The following SFPQ variants were observed in gnomAD, a reference collection of about 807,000 sequenced individuals.
SFPQ encodes splicing factor, proline- and glutamine-rich.
SFPQ carries 11 observed loss-of-function variants against 72.9 expected under a neutral mutation model. The ratio of observed to expected loss-of-function variants is 0.15; its 90% CI spans 0.09 to 0.25. The LOEUF (loss-of-function observed/expected upper bound fraction) is 0.25. Among genes scored for constraint, SFPQ ranks in the 10% least tolerant of loss-of-function variants. The probability of loss-of-function intolerance (pLI) is 1.00; values close to 1 mark genes in which losing one functional copy is unlikely to be tolerated. For missense variants in SFPQ, 847 were observed against 993.3 expected, an observed-to-expected ratio of 0.85 and a Z score of 1.98; for synonymous variants, 506 against 367.3, an observed-to-expected ratio of 1.38 and a Z score of -4.32.
In SFPQ at chr1:35,184,226, A is replaced by G; in HGVS notation, c.*230T>C. 7.7e-7 allele frequency: 1 copy of G among 1,293,212 alleles called. No individual in the cohort carries two copies. The highest frequency in any genetic ancestry group is 9.7e-7 in the Non-Finnish European group (1 of 1,025,844). 80.1% of individuals were successfully genotyped at this position (1,293,212 alleles called of 1,614,324 possible). ...CACTGCCATAAACTTGAGGGACATT[A>G]TACAGTAAAAAAGAAAAAATAAAGA... On this transcript the variant is annotated 3_prime_UTR_variant, in exon 10 of 10. Transcript: ENST00000357214.
intron 6 of SFPQ, 98 bp from the exon 7 acceptor site, chr1:35,188,188 A>C (rs1639818053): frequency 5.8e-6 from 5 of 864,044 alleles, no homozygotes; most frequent in Non-Finnish European, 9.7e-6. Flanking sequence ...CTAGGTTAGC[A>C]CTAAAAAACA....
downstream of SFPQ, chr1:35,181,517 C>T (rs889392647): frequency 8.5e-6 from 9 of 1,063,004 alleles, no homozygotes; most frequent in Admixed American, 5.4e-5. Context: ...ATGTTCTAAG[C>T]AAAGAGGATT....
chr1:35,187,157 G>C, intron 8 of SFPQ, 35 bp from the exon 9 acceptor site: 1 of 1,613,934 alleles, frequency 6.2e-7, no homozygotes, highest in South Asian at 1.1e-5. Context: ...AACTCCACCA[G>C]GATACTACTC....
chr1:35,178,201 T>C, downstream of SFPQ: 1 of 1,084,104 alleles, frequency 9.2e-7, no homozygotes, highest in Non-Finnish European at 1.1e-6. Context: ...GGGGGGGAAA[T>C]CTAAAATTAT....
chr1:35,182,211 T>C (rs948804739), downstream of SFPQ: 1 of 985,412 alleles, frequency 1.0e-6, no homozygotes, highest in Non-Finnish European at 1.2e-6. Flanking sequence ...GGGTGTCCCA[T>C]GGAACACCCC....
chr1:35,189,959 A>C (rs555529693), intron 4 of SFPQ, among the ~76,000 whole-genome samples: 2 of 151,898 alleles, frequency 1.3e-5, no homozygotes, highest in Non-Finnish European at 2.9e-5. Flanking sequence ...CTCAAAAACA[A>C]AACAAAAAAA....
rs534113855 is a variant in SFPQ at position 35,183,374 on chromosome 1, C to A, written c.*1082G>T. 3 of 278,232 alleles carry A rather than the reference C, an allele frequency of 1.1e-5. No individual in the cohort carries two copies. Among genetic ancestry groups the A allele is most frequent in the Non-Finnish European group, 1.1e-5 (2 of 177,956 alleles). The allele number at this position is 278,232 out of a possible 1,614,324, so 17.2% of individuals were successfully genotyped here. Reference sequence around the variant, plus strand: ...CTGGGATTACAGGCGCCTGCCACCACGCCCAGCTAATTTTTTGTATTTTTA... The same window carrying A: ...CTGGGATTACAGGCGCCTGCCACCAAGCCCAGCTAATTTTTTGTATTTTTA... On this transcript the variant is annotated 3_prime_UTR_variant, in exon 10 of 10. Transcript: ENST00000357214.
downstream of SFPQ, chr1:35,182,164 AG>A: frequency 1.0e-6 from 1 of 985,380 alleles, no homozygotes; most frequent in Non-Finnish European, 1.2e-6. Context: ...TTTCCCGACC[AG>A]CCCCCACCCA....
In SFPQ at chr1:35,188,010, C is replaced by A; in HGVS notation, c.1778G>T (p.Arg593Ile). 6.2e-7 allele frequency: 1 copy of A among 1,614,176 alleles called. No individual in the cohort carries two copies. Among genetic ancestry groups the A allele is most frequent in the Non-Finnish European group, 8.5e-7 (1 of 1,179,996 alleles). ...REMEEQMRRQREESYSRMGYM... is the reference protein window; with the variant it reads ...REMEEQMRRQIEESYSRMGYM... Reference sequence around the variant, plus strand: ...GCCCATTCGGCTGTAACTTTCCTCTCTTTGGCGCCTCATTTGTTCTTCCAT... The same window carrying A: ...GCCCATTCGGCTGTAACTTTCCTCTATTTGGCGCCTCATTTGTTCTTCCAT... The change falls in exon 7 of 10, where the codon AGA becomes ATA. Residue 593 changes from arginine (R) to isoleucine (I), a missense_variant. Coordinates refer to ENST00000357214, the MANE Select transcript of SFPQ (RefSeq NM_005066.3).
downstream of SFPQ, chr1:35,178,551 T>TA: frequency 9.4e-7 from 1 of 1,060,358 alleles, no homozygotes. Context: ...CCTTTGTATT[T>TA]ACCTCATTCT....
At chr1:35,178,120 A>G, downstream of SFPQ, 1 of 1,174,306 alleles carries the variant, frequency 8.5e-7, no homozygotes, top group Non-Finnish European at 1.1e-6. Flanking sequence ...TCAAAATTTA[A>G]AGAGTAAAAA....
downstream of SFPQ, chr1:35,179,105 AT>A (rs1639364495): frequency 9.5e-7 from 1 of 1,057,588 alleles, no homozygotes; most frequent in South Asian, 4.6e-5. Context: ...TCACTAAAAC[AT>A]TATCAGCTAA....
chr1:35,192,729 G>C lies in SFPQ; in HGVS notation c.321C>G (p.Ser107=). ...QQPPPPPQDS[S]KPVVAQGPGP... is the part of the protein sequence containing the mutation. Reference sequence around the variant, plus strand: ...CGGGTCCCTGAGCAACGACGGGCTTGGAAGAGTCCTGCGGCGGTGGCGGCG... The same window carrying C: ...CGGGTCCCTGAGCAACGACGGGCTTCGAAGAGTCCTGCGGCGGTGGCGGCG... The change falls in exon 1 of 10, where the codon TCC becomes TCG. Residue 107 remains serine (S), a synonymous_variant. Coordinates refer to ENST00000357214, the MANE Select transcript of SFPQ (RefSeq NM_005066.3). 1.3e-6 allele frequency: 2 copies of C among 1,495,348 alleles called. No individual in the cohort carries two copies. The highest frequency in any genetic ancestry group is 1.8e-6 in the Non-Finnish European group (2 of 1,130,662). The allele number at this position is 1,495,348 out of a possible 1,614,324, so 92.6% of individuals were successfully genotyped here.
chr1:35,192,082 G>A (rs1310804179), intron 1 of SFPQ, 140 bp downstream of exon 1: 10 of 594,388 alleles, frequency 1.7e-5, no homozygotes, highest in Non-Finnish European at 2.4e-5. Flanking sequence ...CGGCCCCGCA[G>A]GCCGCCCCGC....
In SFPQ at chr1:35,183,733, T is replaced by A; in HGVS notation, c.*723A>T. Reference sequence around the variant, plus strand: ...TGACCTTTCCACTTTTCAAAAGCTTTCAAGTAAAGGATAGATCATAGGGCC... The same window carrying A: ...TGACCTTTCCACTTTTCAAAAGCTTACAAGTAAAGGATAGATCATAGGGCC... On this transcript the variant is annotated 3_prime_UTR_variant, in exon 10 of 10. Transcript: ENST00000357214. 9.5e-7 allele frequency: 1 copy of A among 1,048,746 alleles called. No individual in the cohort carries two copies. The highest frequency in any genetic ancestry group is 1.2e-6 in the Non-Finnish European group (1 of 868,480). The allele number at this position is 1,048,746 out of a possible 1,614,324, so 65.0% of individuals were successfully genotyped here.
intron 6 of SFPQ, 131 bp from the exon 7 acceptor site, chr1:35,188,221 G>C: frequency 2.8e-6 from 2 of 703,776 alleles, no homozygotes; most frequent in East Asian, 4.9e-5. Flanking sequence ...GTGAGCCTAG[G>C]GGCATAGTAC....
chr1:35,179,560 CT>C (rs34908049), downstream of SFPQ: 1 of 1,052,748 alleles, frequency 9.5e-7, no homozygotes, highest in Non-Finnish European at 1.1e-6. Flanking sequence ...TAATTCCCAG[CT>C]TTTTGAGTTT....
downstream of SFPQ, chr1:35,182,012 C>A (rs1418237814): frequency 1.0e-6 from 1 of 985,240 alleles, no homozygotes; most frequent in African/African-American, 1.7e-5. Flanking sequence ...GGAGATTATC[C>A]ATTAGCATCC....
In SFPQ at chr1:35,184,051, C is replaced by A; in HGVS notation, c.*405G>T. The A allele has an allele frequency of 9.3e-7, 1 of 1,074,226 alleles. No homozygotes were observed. The highest frequency in any genetic ancestry group is 1.1e-6 in the Non-Finnish European group (1 of 886,384). 66.5% of individuals were successfully genotyped at this position (1,074,226 alleles called of 1,614,324 possible). On this transcript the variant is annotated 3_prime_UTR_variant, in exon 10 of 10. Coordinates refer to ENST00000357214, the MANE Select transcript of SFPQ (RefSeq NM_005066.3). Reference sequence around the variant, plus strand: ...TGCCATTCAAAGGCCTAGACACTCTCATGCTTTCAATGTGGAATACGTAGC... The same window carrying A: ...TGCCATTCAAAGGCCTAGACACTCTAATGCTTTCAATGTGGAATACGTAGC...
Sources: allele counts gnomAD v4.1 joint callset (sites outside exome capture counted in the v4.1 genomes callset), GRCh38; gene constraint gnomAD v4.1.1; transcripts MANE v1.5; gene names NCBI Gene and HGNC (gene_info 2026-07-23, HGNC 2026-07-21).